Variants in TMEFF2 observed in about 807,000 individuals in gnomAD.
The protein encoded by TMEFF2 is tomoregulin-2.
In TMEFF2, 28 loss-of-function variants were observed where a neutral mutation model predicts 53.8. The observed-to-expected ratio is 0.52, with a 90% CI of 0.39 to 0.71. The LOEUF is 0.71. Ranked by LOEUF, TMEFF2 falls within the 30% of genes least tolerant of loss-of-function variation. TMEFF2 has a pLI of 0.00. For synonymous variants in TMEFF2, 162 were observed against 166.3 expected, an observed-to-expected ratio of 0.97 and a Z score of 0.20; for missense variants, 353 against 455.2, an observed-to-expected ratio of 0.78 and a Z score of 2.04.
intron 4 of TMEFF2, among the ~76,000 whole-genome samples, chr2:192,141,107 G>A (rs189967364): frequency 3.0e-4 from 45 of 152,136 alleles, no homozygotes; most frequent in African/African-American, 1.0e-3. Flanking sequence ...TCTAAGAACC[G>A]AGAGGGTCCT....
chr2:192,021,708 G>T (rs1375498986), intron 5 of TMEFF2, among the ~76,000 whole-genome samples: 2 of 152,170 alleles, frequency 1.3e-5, no homozygotes, highest in African/African-American at 4.8e-5. Context: ...CATAGTACAT[G>T]GTAACATTGG....
chr2:192,126,562 A>G (rs1011981278), intron 4 of TMEFF2, among the ~76,000 whole-genome samples: 1 of 152,220 alleles, frequency 6.6e-6, no homozygotes, highest in African/African-American at 2.4e-5. Flanking sequence ...TTTAGGTTTC[A>G]TGTCACAACT....
At chr2:192,075,620 A>C (rs1400823989) in intron 4 of TMEFF2, among the ~76,000 whole-genome samples, 1 of 151,848 alleles carries the variant, frequency 6.6e-6, no homozygotes, top group East Asian at 1.9e-4. Context: ...ATCTAGAAGC[A>C]ATGATAAGCT....
At chr2:192,109,525 T>G (rs1689226808) in intron 4 of TMEFF2, among the ~76,000 whole-genome samples, 1 of 152,122 alleles carries the variant, frequency 6.6e-6, no homozygotes, top group Non-Finnish European at 1.5e-5. Flanking sequence ...AAGATGCCTC[T>G]GGATTTAATG....
rs77320756 is a variant in TMEFF2 at position 192,191,722 on chromosome 2, C to T, written c.282+158G>A. 7.1e-3 allele frequency among the ~76,000 whole-genome samples: 1,074 copies of T among 152,268 alleles called. 11 individuals carry two copies. Among genetic ancestry groups the T allele is most frequent in the African/African-American group, 0.025 (1,024 of 41,564 alleles). On this transcript the variant is annotated intron_variant, in intron 2 of 9. Coordinates refer to ENST00000272771, the MANE Select transcript of TMEFF2 (RefSeq NM_016192.4). ...CATTTCTCCAAAAAGCGTATGTCTT[C>T]TTGACATCAGTTGGCTCTCTTGCTA...
At chr2:191,964,387 T>C (rs1470675151) in intron 7 of TMEFF2, among the ~76,000 whole-genome samples, 1 of 25,774 alleles carries the variant, frequency 3.9e-5, no homozygotes, top group Admixed American at 4.7e-4. Flanking sequence ...TCTTTCTTTC[T>C]TTCTTTCTTT....
chr2:192,137,894 C>G (rs578215471), intron 4 of TMEFF2, among the ~76,000 whole-genome samples: 3 of 151,950 alleles, frequency 2.0e-5, no homozygotes, highest in South Asian at 2.1e-4. Flanking sequence ...CCTCCACCCC[C>G]ACAGTTCAAG....
chr2:192,081,080 T>C (rs964635842), intron 4 of TMEFF2, among the ~76,000 whole-genome samples: 1 of 152,146 alleles, frequency 6.6e-6, no homozygotes, highest in Admixed American at 6.5e-5. Flanking sequence ...AGTAAGAACA[T>C]CTTGTAACAG....
chr2:192,075,534 G>T (rs564664106), intron 4 of TMEFF2, among the ~76,000 whole-genome samples: 72 of 151,054 alleles, frequency 4.8e-4, no homozygotes, highest in African/African-American at 1.7e-3. Flanking sequence ...ACATCAACAG[G>T]TCTCTCATTA....
intron 4 of TMEFF2, among the ~76,000 whole-genome samples, chr2:192,086,522 G>A (rs1322237552): frequency 6.6e-6 from 1 of 152,064 alleles, no homozygotes; most frequent in Non-Finnish European, 1.5e-5. Context: ...TTTGTAGTAT[G>A]TATTACCTTG....
At chr2:192,109,273 T>G (rs1689221562) in intron 4 of TMEFF2, among the ~76,000 whole-genome samples, 1 of 152,072 alleles carries the variant, frequency 6.6e-6, no homozygotes, top group Non-Finnish European at 1.5e-5. Flanking sequence ...TATGGATCCT[T>G]TATTGATTTT....
chr2:191,972,171 G>C (rs1047253183), intron 7 of TMEFF2, among the ~76,000 whole-genome samples: 1 of 148,800 alleles, frequency 6.7e-6, no homozygotes, highest in African/African-American at 2.5e-5. Flanking sequence ...TTTAGACCGA[G>C]TCTCACTCTG....
chr2:191,949,832 T>TTCTC lies in TMEFF2; in HGVS notation c.*475_*478dup. 1 of 985,700 alleles carries TTCTC rather than the reference T, an allele frequency of 1.0e-6. No individual in the cohort carries two copies. The highest frequency in any genetic ancestry group is 1.2e-6 in the Non-Finnish European group (1 of 829,996). The allele number at this position is 985,700 out of a possible 1,614,324, so 61.1% of individuals were successfully genotyped here. On this transcript the variant is annotated 3_prime_UTR_variant, in exon 10 of 10. Coordinates refer to ENST00000272771, the MANE Select transcript of TMEFF2 (RefSeq NM_016192.4). ...CACTCGATATAAAGTAAATTATTTT[T>TTCTC]TCTCTTTTCCAATAACCATCATTTC... is the stretch of plus-strand genomic sequence containing the variant.
intron 7 of TMEFF2, among the ~76,000 whole-genome samples, chr2:191,981,257 A>C (rs1198891038): frequency 6.6e-6 from 1 of 152,150 alleles, no homozygotes; most frequent in Non-Finnish European, 1.5e-5. Flanking sequence ...TTAGCCATGA[A>C]ACTATTTGTC....
In TMEFF2 at chr2:192,164,557, G is replaced by A. The variant is rs186003063; in HGVS notation, c.439+15111C>T. Among the ~76,000 whole-genome samples the A allele has an allele frequency of 2.2e-3, 332 of 151,940 alleles. 2 individuals carry two copies. The highest frequency in any genetic ancestry group is 7.4e-3 in the African/African-American group (307 of 41,440). On this transcript the variant is annotated intron_variant, in intron 4 of 9. Transcript: ENST00000272771. ...ATCCTGGCCAACATAGTGAAACCCC[G>A]TCTCTACTAAAAATACAAAAATTAG...
At chr2:192,085,495 C>T (rs1202780782) in intron 4 of TMEFF2, among the ~76,000 whole-genome samples, 2 of 152,094 alleles carry the variant, frequency 1.3e-5, no homozygotes, top group African/African-American at 2.4e-5. Flanking sequence ...GCTGAAAGGC[C>T]TTGCTCCTAA....
intron 5 of TMEFF2, among the ~76,000 whole-genome samples, chr2:192,041,548 G>C (rs1021072373): frequency 6.6e-6 from 1 of 152,138 alleles, no homozygotes; most frequent in Non-Finnish European, 1.5e-5. Context: ...TTGGAAAATA[G>C]TCTGGCCCTT....
At chr2:192,042,491 A>AGAG (rs1266034764) in intron 5 of TMEFF2, among the ~76,000 whole-genome samples, 1 of 152,232 alleles carries the variant, frequency 6.6e-6, no homozygotes, top group African/African-American at 2.4e-5. Flanking sequence ...AAATCCGTGA[A>AGAG]GAGGTGTGCT....
At chr2:192,186,149 A>G (rs186422682) in intron 2 of TMEFF2, among the ~76,000 whole-genome samples, 1 of 152,316 alleles carries the variant, frequency 6.6e-6, no homozygotes, top group East Asian at 1.9e-4. Context: ...TGATTTGATT[A>G]GAGCTTTTCA....
Sources: allele counts gnomAD v4.1 joint callset (sites outside exome capture counted in the v4.1 genomes callset), GRCh38; gene constraint gnomAD v4.1.1; transcripts MANE v1.5; gene names NCBI Gene and HGNC (gene_info 2026-07-23, HGNC 2026-07-21).